CSMD1: variants seen among roughly 807,000 people sequenced by gnomAD.
The protein encoded by CSMD1 is CUB and Sushi multiple domains 1.
Under a neutral mutation model 417.5 loss-of-function variants are expected in CSMD1, and 213 were observed. The observed-to-expected ratio is 0.51, with a 90% CI of 0.46 to 0.57. CSMD1 has a LOEUF of 0.57. CSMD1 is among the 20% of genes least tolerant of loss of function. CSMD1 has a pLI of 0.00. For missense variants in CSMD1, 6,923 were observed against 4,529.7 expected, an observed-to-expected ratio of 1.53 and a Z score of -15.17; for synonymous variants, 2,862 against 1,736.8, an observed-to-expected ratio of 1.65 and a Z score of -16.11.
At chr8:4,367,679 C>G (rs891701466) in intron 3 of CSMD1, among the ~76,000 whole-genome samples, 2 of 152,130 alleles carry the variant, frequency 1.3e-5, no homozygotes, top group Non-Finnish European at 2.9e-5. Context: ...AATATTGAGT[C>G]TTCCTGACCA....
At chr8:3,525,911 C>G (rs1012728087) in intron 10 of CSMD1, among the ~76,000 whole-genome samples, 1 of 152,108 alleles carries the variant, frequency 6.6e-6, no homozygotes, top group African/African-American at 2.4e-5. Context: ...TGGGCACCTA[C>G]CACACACAAA....
chr8:3,951,483 G>A (rs939430506), intron 5 of CSMD1, among the ~76,000 whole-genome samples: 11 of 152,126 alleles, frequency 7.2e-5, no homozygotes, highest in Non-Finnish European at 1.5e-4. Context: ...GATTCCAACT[G>A]CTTGAATAAC....
chr8:3,515,937 A>G (rs1391096857), intron 10 of CSMD1, among the ~76,000 whole-genome samples: 3 of 152,224 alleles, frequency 2.0e-5, no homozygotes, highest in Non-Finnish European at 4.4e-5. Flanking sequence ...GAATACTAGT[A>G]TGTGTTTGAG....
In CSMD1 at chr8:3,162,345, A is replaced by G. The variant is rs140351662; in HGVS notation, c.5726-68T>C. 2,242 of 1,021,410 alleles carry G rather than the reference A, an allele frequency of 2.2e-3. 38 individuals are homozygous for G. The African/African-American group carries it at 0.031, about 14-fold the overall frequency. 63.3% of individuals were successfully genotyped at this position (1,021,410 alleles called of 1,614,324 possible). A position where few individuals can be genotyped will look rare whatever the true frequency, so the allele number is the denominator to read the frequency against. On this transcript the variant is annotated intron_variant, in intron 37 of 69. Transcript: ENST00000635120. Reference sequence around the variant, plus strand: ...CAATATTCTTATCATTTGAATAACCAAAGTTTATTTCTATTGCTCTCCTTC... The same window carrying G: ...CAATATTCTTATCATTTGAATAACCGAAGTTTATTTCTATTGCTCTCCTTC...
At chr8:3,105,471 G>C (rs1217999010) in intron 46 of CSMD1, among the ~76,000 whole-genome samples, 2 of 152,218 alleles carry the variant, frequency 1.3e-5, no homozygotes, top group Admixed American at 6.5e-5. Flanking sequence ...TTGAGCATTT[G>C]AGCTTATGTA....
chr8:4,889,109 A>G (rs772168032), intron 1 of CSMD1, among the ~76,000 whole-genome samples: 9 of 152,140 alleles, frequency 5.9e-5, no homozygotes, highest in Admixed American at 5.9e-4. Flanking sequence ...AATATGTGCA[A>G]TGTCCGAAAG....
At chr8:3,432,614 C>T (rs1814284672) in intron 12 of CSMD1, among the ~76,000 whole-genome samples, 1 of 146,978 alleles carries the variant, frequency 6.8e-6, no homozygotes, top group Non-Finnish European at 1.5e-5. Context: ...CTCCCGGGAT[C>T]AAGAGATTCT....
At chr8:4,643,070 T>G (rs976266908) in intron 1 of CSMD1, among the ~76,000 whole-genome samples, 1 of 152,190 alleles carries the variant, frequency 6.6e-6, no homozygotes, top group Middle Eastern at 3.2e-3. Context: ...AAAGCGTATA[T>G]AGATTTGTGT....
chr8:4,006,830 T>C (rs1485869757), intron 4 of CSMD1, among the ~76,000 whole-genome samples: 1 of 141,764 alleles, frequency 7.1e-6, no homozygotes, highest in Non-Finnish European at 1.5e-5. Context: ...CCTATTTTTT[T>C]TTTTTTTTTT....
chr8:3,679,231 C>A (rs546474618), intron 7 of CSMD1, among the ~76,000 whole-genome samples: 2 of 152,128 alleles, frequency 1.3e-5, no homozygotes. Context: ...TTACAAGACG[C>A]AGACTGGCAA....
chr8:4,060,796 A>G (rs1798931248), intron 3 of CSMD1, among the ~76,000 whole-genome samples: 1 of 152,212 alleles, frequency 6.6e-6, no homozygotes, highest in Non-Finnish European at 1.5e-5. Context: ...GAGATTAAAA[A>G]AAGGTAGGAA....
chr8:3,829,650 T>G (rs962646960), intron 5 of CSMD1, among the ~76,000 whole-genome samples: 2 of 152,194 alleles, frequency 1.3e-5, no homozygotes, highest in African/African-American at 4.8e-5. Flanking sequence ...GAATTAGAGA[T>G]GTTCTATGAT....
At chr8:4,410,413 T>C (rs1585032609) in intron 3 of CSMD1, among the ~76,000 whole-genome samples, 1 of 152,162 alleles carries the variant, frequency 6.6e-6, no homozygotes, top group Non-Finnish European at 1.5e-5. Flanking sequence ...TAAATTAATT[T>C]TCCCTAACAC....
intron 7 of CSMD1, among the ~76,000 whole-genome samples, chr8:3,679,567 C>G (rs1313591370): frequency 1.3e-5 from 2 of 152,160 alleles, no homozygotes; most frequent in South Asian, 2.1e-4. Flanking sequence ...GAGACTTAGA[C>G]TCCCACACAA....
intron 5 of CSMD1, among the ~76,000 whole-genome samples, chr8:3,947,441 A>C (rs1563241863): frequency 6.6e-6 from 1 of 152,200 alleles, no homozygotes; most frequent in Non-Finnish European, 1.5e-5. Flanking sequence ...AACATTTTTA[A>C]AAGGTTTTTT....
At position 3,891,332 on chromosome 8, in the gene CSMD1, G is replaced by C. The variant is rs545347706; in HGVS notation, c.818+106571C>G. 6.6e-5 allele frequency among the ~76,000 whole-genome samples: 10 copies of C among 152,236 alleles called. No individual in the cohort carries two copies. The East Asian group carries it at 1.4e-3, about 21-fold the overall frequency. ...CCCAAAGTGCTGGGATTACAGGCGT[G>C]AGCCACCGCGCCTATCCTGAGCAGG... On this transcript the variant is annotated intron_variant, in intron 5 of 69. Coordinates refer to ENST00000635120, the MANE Select transcript of CSMD1 (RefSeq NM_033225.6).
chr8:3,007,467 C>T (rs867242636), intron 52 of CSMD1, among the ~76,000 whole-genome samples: 1 of 151,296 alleles, frequency 6.6e-6, no homozygotes, highest in Non-Finnish European at 1.5e-5. Flanking sequence ...AAGACACATG[C>T]ACACGTATGT....
intron 5 of CSMD1, among the ~76,000 whole-genome samples, chr8:3,794,811 A>G (rs74741182): frequency 0.027 from 4,069 of 152,054 alleles, 64 homozygotes; most frequent in African/African-American, 0.049. Flanking sequence ...TTGTCAATAA[A>G]CTTTAATTCT....
chr8:3,404,812 G>C (rs1300708030), intron 15 of CSMD1, among the ~76,000 whole-genome samples: 1 of 152,040 alleles, frequency 6.6e-6, no homozygotes, highest in Admixed American at 6.6e-5. Flanking sequence ...AAGGACACCT[G>C]AGACGCTTTG....
Sources: allele counts gnomAD v4.1 joint callset (sites outside exome capture counted in the v4.1 genomes callset), GRCh38; gene constraint gnomAD v4.1.1; transcripts MANE v1.5; gene names NCBI Gene and HGNC (gene_info 2026-07-23, HGNC 2026-07-21).